The following TEX38 variants were observed in gnomAD, a reference collection of about 807,000 sequenced individuals.
TEX38 encodes the protein testis expressed 38.
TEX38 carries 5 observed loss-of-function variants against 2.7 expected under a neutral mutation model. The observed-to-expected ratio is 1.86, with a 90% confidence interval of 0.97 to 3.90. The LOEUF is 3.90. Ranked by LOEUF, TEX38 falls within the 30% of genes most tolerant of loss-of-function variation. TEX38 has a pLI of 0.00. For synonymous variants in TEX38, 110 were observed against 103.3 expected (o/e 1.06, Z -0.39); for missense variants, 218 against 247.9 (o/e 0.88, Z 0.81).
chr1:46,669,256 G>A (rs1449934676), upstream of TEX38: 1 of 363,838 alleles, frequency 2.7e-6, no homozygotes, highest in African/African-American at 2.1e-5. Context: ...TCTGATTGAA[G>A]CCCCTCCTGG....
At chr1:46,671,075 T>C (rs1341183618), upstream of TEX38, among the ~76,000 whole-genome samples, 1 of 152,128 alleles carries the variant, frequency 6.6e-6, no homozygotes, top group African/African-American at 2.4e-5. Flanking sequence ...TCAAAGTTTC[T>C]TCAAATTGGC....
rs1676633530 is a variant in TEX38 at position 46,673,492 on chromosome 1, G to C, written c.*36G>C. ...CTGAAGGTGGGAGCTGCAGGAATCA[G>C]GTGCAGAGTAGGAAATGGAACTAAC... On this transcript the variant is annotated 3_prime_UTR_variant, in exon 2 of 2. Transcript: ENST00000334122. The C allele has an allele frequency of 6.7e-7, 1 of 1,501,958 alleles. No homozygotes were observed. The highest frequency in any genetic ancestry group is 8.9e-7 in the Non-Finnish European group (1 of 1,117,820). The allele number at this position is 1,501,958 out of a possible 1,614,324, so 93.0% of individuals were successfully genotyped here.
At chr1:46,670,608 A>G (rs1676569207), upstream of TEX38, among the ~76,000 whole-genome samples, 1 of 152,196 alleles carries the variant, frequency 6.6e-6, no homozygotes, top group African/African-American at 2.4e-5. Context: ...GAATGAATGT[A>G]GATAGAGCAC....
chr1:46,670,155 C>A (rs1676562706), upstream of TEX38, among the ~76,000 whole-genome samples: 1 of 151,864 alleles, frequency 6.6e-6, no homozygotes, highest in East Asian at 1.9e-4. Flanking sequence ...TGTTGGTCAC[C>A]CTACAGGGAA....
intron 1 of TEX38, 63 bp from the exon 2 acceptor site, chr1:46,672,810 C>T (rs1676608842): frequency 1.4e-6 from 2 of 1,411,124 alleles, no homozygotes; most frequent in Non-Finnish European, 1.9e-6. Flanking sequence ...GAATGAGAAA[C>T]AGCTCAGGCC....
Position 46,673,072 on chromosome 1 carries a change from A to T in TEX38, c.237A>T (p.Ala79=). ...AGCGACGGCGCTACGGCATGAATGC[A>T]GCCATCAACACGGGCCCTGCCCCTG... ...INKRRRYGMN[A]AINTGPAPAV... is the part of the protein sequence containing the mutation. The change falls in exon 2 of 2, where the codon GCA becomes GCT. Residue 79 remains alanine (A), a synonymous_variant. Coordinates refer to ENST00000334122, the MANE Select transcript of TEX38 (RefSeq NM_001145474.4). 1 of 1,551,774 alleles carries T rather than the reference A, an allele frequency of 6.4e-7. No homozygotes were observed. The highest frequency in any genetic ancestry group is 1.7e-4 in the Middle Eastern group (1 of 5,992).
In TEX38 at chr1:46,673,025, C is replaced by G. The variant is rs778733201; in HGVS notation, c.190C>G (p.Pro64Ala). Residue 64 changes from proline to alanine, a missense_variant, in exon 2 of 2, where the codon CCA becomes GCA. By Grantham distance (27) the Pro-to-Ala change is conservative. Coordinates refer to ENST00000334122, the MANE Select transcript of TEX38 (RefSeq NM_001145474.4). ...VMRAATFTYS[P>A]LLYWINKRRR... Reference sequence around the variant, plus strand: ...GAGAGCTGCCACATTCACCTACAGCCCATTGTTGTACTGGATTAACAAGCG... The same window carrying G: ...GAGAGCTGCCACATTCACCTACAGCGCATTGTTGTACTGGATTAACAAGCG... The G allele has an allele frequency of 9.0e-6, 14 of 1,551,536 alleles. No individual in the cohort carries two copies. Among genetic ancestry groups the G allele is most frequent in the Non-Finnish European group, 1.2e-5 (14 of 1,146,978 alleles).
At chr1:46,670,432 C>T (rs911547780), upstream of TEX38, among the ~76,000 whole-genome samples, 39 of 152,170 alleles carry the variant, frequency 2.6e-4, no homozygotes, top group Admixed American at 2.6e-4. Context: ...TGGTTTTGGA[C>T]ATGTTGGTTT....
chr1:46,669,972 T>C (rs974657330), upstream of TEX38, among the ~76,000 whole-genome samples: 1 of 152,222 alleles, frequency 6.6e-6, no homozygotes, highest in Non-Finnish European at 1.5e-5. Context: ...TAACATGATC[T>C]ACTTTTTAAA....
Position 46,672,957 on chromosome 1 carries a change from A to G in TEX38, c.122A>G (p.Asn41Ser). ...GCIIFLHWRKNLRREEHAQQW... is the reference protein window; with the variant it reads ...GCIIFLHWRKSLRREEHAQQW... ...ATTATCTTTCTGCACTGGAGGAAGA[A>G]CTTGAGGCGGGAAGAGCATGCCCAG... The change falls in exon 2 of 2, where the codon AAC becomes AGC. Residue 41 changes from asparagine (N) to serine (S), a missense_variant. Physicochemically the swap from Asn to Ser is conservative, Grantham distance 46. Coordinates refer to ENST00000334122, the MANE Select transcript of TEX38 (RefSeq NM_001145474.4). The G allele has an allele frequency of 5.8e-6, 9 of 1,551,688 alleles. No individual in the cohort carries two copies. Among genetic ancestry groups the G allele is most frequent in the Non-Finnish European group, 7.8e-6 (9 of 1,146,986 alleles).
In TEX38 at chr1:46,671,861, C is replaced by G. The variant is rs1557433245; in HGVS notation, c.-74C>G. The G allele has an allele frequency of 3.4e-6, 5 of 1,480,246 alleles. No individual in the cohort carries two copies. Among genetic ancestry groups the G allele is most frequent in the Non-Finnish European group, 4.6e-6 (5 of 1,082,030 alleles). The allele number at this position is 1,480,246 out of a possible 1,614,324, so 91.7% of individuals were successfully genotyped here. On this transcript the variant is annotated 5_prime_UTR_variant, in exon 1 of 2. Transcript: ENST00000334122. ...GACTCTGATTGGCTGGGCAGATGGG[C>G]TGACTGGCTGGGCAGATGGGTGGGT...
At position 46,672,968 on chromosome 1, in the gene TEX38, G is replaced by C; in HGVS notation, c.133G>C (p.Glu45Gln). The C allele has an allele frequency of 1.3e-6, 2 of 1,551,730 alleles. No individual in the cohort carries two copies. The highest frequency in any genetic ancestry group is 1.4e-5 in the African/African-American group (1 of 73,174). Residue 45 changes from glutamate (E) to glutamine (Q), a missense_variant, in exon 2 of 2, where the codon GAA (glutamate) becomes CAA (glutamine). Physicochemically the swap from Glu to Gln is conservative, Grantham distance 29 (BLOSUM62 2). Coordinates refer to ENST00000334122, the MANE Select transcript of TEX38 (RefSeq NM_001145474.4). ...GCACTGGAGGAAGAACTTGAGGCGG[G>C]AAGAGCATGCCCAGCAGTGGGTGGA... ...FLHWRKNLRR[E>Q]EHAQQWVEVM...
upstream of TEX38, chr1:46,669,510 C>G (rs1236506777): frequency 2.2e-6 from 1 of 456,054 alleles, no homozygotes; most frequent in Admixed American, 2.3e-5. Context: ...AAATGACAAC[C>G]CCTCCATCTC....
At chr1:46,672,743 G>T in intron 1 of TEX38, 130 bp from the exon 2 acceptor site, 2 of 812,206 alleles carry the variant, frequency 2.5e-6, no homozygotes. Flanking sequence ...GGGAGGGAAG[G>T]AACGGTGAGA....
chr1:46,671,714 C>T (rs778589935), upstream of TEX38: 52 of 557,986 alleles, frequency 9.3e-5, 2 homozygotes, highest in African/African-American at 4.0e-4. Flanking sequence ...AAAAATGCCA[C>T]TGGATGAAGT....
At position 46,673,104 on chromosome 1, in the gene TEX38, C is replaced by A. The variant is rs761233526; in HGVS notation, c.269C>A (p.Thr90Asn). The change falls in exon 2 of 2, where the codon ACC becomes AAC. Residue 90 changes from threonine (T) to asparagine (N), a missense_variant. Thr to Asn is a moderately conservative substitution (Grantham distance 65). Coordinates refer to ENST00000334122, the MANE Select transcript of TEX38 (RefSeq NM_001145474.4). ...AACACGGGCCCTGCCCCTGCTGTCA[C>A]CAAGACTGAGACTGAGGTCCAGAAT... ...AINTGPAPAV[T>N]KTETEVQNPD... 7 of 1,551,660 alleles carry A rather than the reference C, an allele frequency of 4.5e-6. No homozygotes were observed. The African/African-American group carries it at 8.2e-5, about 18-fold the overall frequency.
chr1:46,673,242 C>T lies in TEX38; in HGVS notation c.407C>T (p.Pro136Leu). The change falls in exon 2 of 2, where the codon CCA becomes CTA. Residue 136 changes from proline to leucine, a missense_variant. Pro to Leu is a moderately conservative substitution (Grantham distance 98). Coordinates refer to ENST00000334122, the MANE Select transcript of TEX38 (RefSeq NM_001145474.4). Reference protein sequence around the residue: ...APLQPALQLAPQQPQARSPFP... With the variant: ...APLQPALQLALQQPQARSPFP... ...CTGCAACCTGCACTGCAGCTGGCTC[C>T]ACAGCAGCCCCAGGCCAGATCCCCA... The T allele has an allele frequency of 1.3e-6, 2 of 1,550,996 alleles. No homozygotes were observed. Among genetic ancestry groups the T allele is most frequent in the South Asian group, 1.2e-5 (1 of 83,932 alleles).
At chr1:46,671,825 G>A, upstream of TEX38, 1 of 1,118,550 alleles carries the variant, frequency 8.9e-7, no homozygotes, top group Non-Finnish European at 1.3e-6. Context: ...AAAGGGCCTG[G>A]GCATTCTGGA....
upstream of TEX38, chr1:46,669,181 G>A (rs1676548889): frequency 1.0e-5 from 3 of 292,230 alleles, no homozygotes; most frequent in Admixed American, 7.7e-5. Context: ...CACAGAACAG[G>A]GCCAGTCCTG....
Sources: gnomAD v4.1 joint callset for allele counts (sites outside exome capture counted in the v4.1 genomes callset) on GRCh38, gnomAD v4.1.1 for gene constraint, MANE v1.5 for transcripts, NCBI Gene and HGNC (gene_info 2026-07-23, HGNC 2026-07-21) for gene names.